GPAT4: variants seen among roughly 807,000 people sequenced by gnomAD.
GPAT4 encodes the protein glycerol-3-phosphate acyltransferase 4, also known as 1-AGP acyltransferase 6.
GPAT4 carries 17 observed loss-of-function variants against 58.0 expected under a neutral mutation model. That is an observed-to-expected ratio of 0.29 (90% CI 0.20 to 0.44). GPAT4 has a LOEUF of 0.44. Ranked by LOEUF, GPAT4 falls within the 20% of genes least tolerant of loss-of-function variation. GPAT4 has a pLI of 1.00. For missense variants in GPAT4, 377 were observed against 574.5 expected (o/e 0.66, Z 3.51); for synonymous variants, 204 against 210.1 (o/e 0.97, Z 0.25).
In GPAT4 at chr8:41,583,679, T is replaced by A. The variant is rs141247285; in HGVS notation, c.-849+5401T>A. ...AAGGTCACACGTGGTTAGTGGCTGC[T>A]CTGTTGGACTGCAGAGAATCACTGT... On this transcript the variant is annotated intron_variant, in intron 1 of 12. Transcript: ENST00000396987. Among the ~76,000 whole-genome samples the A allele has an allele frequency of 3.2e-3, 490 of 152,346 alleles. 4 individuals are homozygous for A. The highest frequency in any genetic ancestry group is 9.4e-3 in the African/African-American group (389 of 41,572).
chr8:41,594,514 C>T (rs1346038096), intron 1 of GPAT4, among the ~76,000 whole-genome samples: 3 of 150,494 alleles, frequency 2.0e-5, no homozygotes, highest in Non-Finnish European at 4.4e-5. Flanking sequence ...GACAATTCTT[C>T]GATATGTCTC....
At chr8:41,585,173 C>T (rs1802619686) in intron 1 of GPAT4, among the ~76,000 whole-genome samples, 1 of 152,212 alleles carries the variant, frequency 6.6e-6, no homozygotes, top group Non-Finnish European at 1.5e-5. Context: ...CACACATTTC[C>T]TCATGCCTGT....
At chr8:41,610,353 A>G in intron 4 of GPAT4, 1 of 1,219,842 alleles carries the variant, frequency 8.2e-7, no homozygotes, top group South Asian at 1.7e-5. Flanking sequence ...GCCAGATGCT[A>G]ATACCTTCAA....
intron 1 of GPAT4, chr8:41,578,653 G>C (rs1304901471): frequency 6.6e-6 from 1 of 152,340 alleles, no homozygotes; most frequent in African/African-American, 2.4e-5. Flanking sequence ...GGAGCACCAG[G>C]AAGCGCCTTC....
At chr8:41,595,037 T>TA (rs774092394) in intron 1 of GPAT4, among the ~76,000 whole-genome samples, 2 of 152,158 alleles carry the variant, frequency 1.3e-5, no homozygotes, top group Non-Finnish European at 2.9e-5. Context: ...TAATATATGT[T>TA]ACACTTTTAA....
At chr8:41,610,564 A>T in intron 4 of GPAT4, 172 bp from the exon 5 acceptor site, 1 of 1,509,736 alleles carries the variant, frequency 6.6e-7, no homozygotes, top group Non-Finnish European at 8.8e-7. Context: ...AATCAAAAGG[A>T]TCTCTGGTTC....
At chr8:41,617,346 AG>A (rs1803625113) in intron 10 of GPAT4, among the ~76,000 whole-genome samples, 2 of 152,204 alleles carry the variant, frequency 1.3e-5, no homozygotes, top group South Asian at 4.1e-4. Flanking sequence ...CCTGGGCGAC[AG>A]TGTGAGACTC....
At chr8:41,580,033 C>A (rs1802471857) in intron 1 of GPAT4, among the ~76,000 whole-genome samples, 1 of 152,096 alleles carries the variant, frequency 6.6e-6, no homozygotes, top group Non-Finnish European at 1.5e-5. Flanking sequence ...ATACTACTTG[C>A]CTTCAGGAAA....
intron 8 of GPAT4, among the ~76,000 whole-genome samples, chr8:41,614,098 G>A (rs1026405676): frequency 1.3e-5 from 2 of 152,218 alleles, no homozygotes; most frequent in Non-Finnish European, 2.9e-5. Flanking sequence ...CCCAGGCCTT[G>A]TGGCAGGTGT....
At chr8:41,594,937 T>A (rs1431714316) in intron 1 of GPAT4, among the ~76,000 whole-genome samples, 1 of 152,172 alleles carries the variant, frequency 6.6e-6, no homozygotes, top group African/African-American at 2.4e-5. Context: ...CCCCCTTTTT[T>A]TCTGAAGATG....
intron 2 of GPAT4, 52 bp downstream of exon 2, chr8:41,599,356 T>C (rs1454992083): frequency 1.3e-6 from 2 of 1,586,610 alleles, no homozygotes; most frequent in African/African-American, 1.4e-5. Flanking sequence ...TAGAAGTGCA[T>C]TTAGCAAAAA....
intron 2 of GPAT4, among the ~76,000 whole-genome samples, chr8:41,599,814 A>T (rs1803033124): frequency 6.6e-6 from 1 of 152,228 alleles, no homozygotes; most frequent in South Asian, 2.1e-4. Flanking sequence ...CTGTTGAATT[A>T]TACCAAACTG....
At position 41,598,950 on chromosome 8, in the gene GPAT4, C is replaced by A; in HGVS notation, c.-190C>A. ...TGGCGTTTGCAGTTGCCTCCTGTGG[C>A]CGTGTTTTTCTGTCATTCTGTTCCC... On this transcript the variant is annotated 5_prime_UTR_variant, in exon 2 of 13. Transcript: ENST00000396987. 1 of 702,148 alleles carries A rather than the reference C, an allele frequency of 1.4e-6. No individual in the cohort carries two copies. The highest frequency in any genetic ancestry group is 2.3e-6 in the Non-Finnish European group (1 of 432,770). 43.5% of individuals were successfully genotyped at this position (702,148 alleles called of 1,614,324 possible).
intron 6 of GPAT4, 23 bp from the exon 7 acceptor site, chr8:41,612,157 C>T (rs1314894465): frequency 6.2e-7 from 1 of 1,613,578 alleles, no homozygotes; most frequent in South Asian, 1.1e-5. Context: ...ATTTTGGTTG[C>T]TTTGCATACA....
chr8:41,582,569 A>G (rs1018915084), intron 1 of GPAT4, among the ~76,000 whole-genome samples: 4 of 152,066 alleles, frequency 2.6e-5, no homozygotes, highest in Non-Finnish European at 5.9e-5. Flanking sequence ...AATATTATAT[A>G]TGCTATATAC....
chr8:41,615,844 A>G (rs1404321342), intron 10 of GPAT4, among the ~76,000 whole-genome samples: 1 of 152,212 alleles, frequency 6.6e-6, no homozygotes, highest in Non-Finnish European at 1.5e-5. Context: ...TCTGCAGAGC[A>G]TTCTGTAGAG....
At chr8:41,585,137 T>A (rs952773552) in intron 1 of GPAT4, among the ~76,000 whole-genome samples, 1 of 152,228 alleles carries the variant, frequency 6.6e-6, no homozygotes, top group Non-Finnish European at 1.5e-5. Context: ...CCAGTCCCGA[T>A]ACACTCGACG....
At chr8:41,583,396 A>G (rs1038620941) in intron 1 of GPAT4, among the ~76,000 whole-genome samples, 4 of 151,900 alleles carry the variant, frequency 2.6e-5, no homozygotes, top group East Asian at 3.9e-4. Flanking sequence ...TCTACTGTCT[A>G]TGAGATCATT....
chr8:41,594,925 T>TC (rs1305079981), intron 1 of GPAT4, among the ~76,000 whole-genome samples: 1 of 152,014 alleles, frequency 6.6e-6, no homozygotes, highest in African/African-American at 2.4e-5. Flanking sequence ...ATAAATTCTG[T>TC]CCCCCCTTTT....
Sources: gnomAD v4.1 joint callset for allele counts (sites outside exome capture counted in the v4.1 genomes callset) on GRCh38, gnomAD v4.1.1 for gene constraint, MANE v1.5 for transcripts, NCBI Gene and HGNC (gene_info 2026-07-23, HGNC 2026-07-21) for gene names.